CNTN1: variants seen among roughly 807,000 people sequenced by gnomAD.
The protein encoded by CNTN1 is contactin-1.
CNTN1 carries 38 observed loss-of-function variants against 126.4 expected under a neutral mutation model. The ratio of observed to expected loss-of-function variants is 0.30; its 90% CI spans 0.23 to 0.39. CNTN1 has a LOEUF of 0.39. CNTN1 is among the 10% of genes least tolerant of loss of function. The pLI, the probability that CNTN1 is intolerant of heterozygous loss-of-function variation, is 1.00. For synonymous variants in CNTN1, 413 were observed against 422.6 expected, an observed-to-expected ratio of 0.98 and a Z score of 0.28; for missense variants, 1,009 against 1,248.4, an observed-to-expected ratio of 0.81 and a Z score of 2.89.
intron 1 of CNTN1, among the ~76,000 whole-genome samples, chr12:40,885,030 A>T (rs1229901191): frequency 1.3e-5 from 2 of 151,598 alleles, no homozygotes; most frequent in Non-Finnish European, 3.0e-5. Context: ...ATGCTTATTG[A>T]TTTTTTTCTA....
intron 15 of CNTN1, among the ~76,000 whole-genome samples, chr12:40,973,367 A>G (rs1947579791): frequency 6.6e-6 from 1 of 152,138 alleles, no homozygotes; most frequent in Non-Finnish European, 1.5e-5. Flanking sequence ...ATAAATAATG[A>G]GACTTTGACA....
intron 1 of CNTN1, among the ~76,000 whole-genome samples, chr12:40,847,102 G>C (rs879172804): frequency 6.6e-6 from 1 of 152,012 alleles, no homozygotes; most frequent in Non-Finnish European, 1.5e-5. Flanking sequence ...TCCTGACTTC[G>C]TGATCCACCC....
At chr12:40,909,628 A>G (rs1458371309) in intron 2 of CNTN1, among the ~76,000 whole-genome samples, 1 of 151,794 alleles carries the variant, frequency 6.6e-6, no homozygotes, top group Admixed American at 6.6e-5. Context: ...AAAACTCAGA[A>G]AAGATCATTT....
chr12:40,992,624 A>AT (rs1948120697), intron 16 of CNTN1, among the ~76,000 whole-genome samples: 1 of 152,136 alleles, frequency 6.6e-6, no homozygotes, highest in Non-Finnish European at 1.5e-5. Context: ...ACTTGTCCAA[A>AT]TGATTTGAGT....
chr12:40,809,922 A>G (rs554088769), intron 1 of CNTN1, among the ~76,000 whole-genome samples: 1 of 152,286 alleles, frequency 6.6e-6, no homozygotes, highest in East Asian at 1.9e-4. Flanking sequence ...TGTTTTTAAT[A>G]AAAATCAGGT....
chr12:41,063,287 G>C (rs1949978187), intron 23 of CNTN1, among the ~76,000 whole-genome samples: 1 of 152,212 alleles, frequency 6.6e-6, no homozygotes, highest in African/African-American at 2.4e-5. Context: ...GCAAATTAGA[G>C]AGGTTTTAAA....
At chr12:41,047,801 C>T (rs280375) in intron 23 of CNTN1, among the ~76,000 whole-genome samples, 1 of 151,912 alleles carries the variant, frequency 6.6e-6, no homozygotes, top group Non-Finnish European at 1.5e-5. Flanking sequence ...TATTGATGTT[C>T]TTCCCACGGT....
chr12:40,830,921 T>TTACATA (rs1169387576), intron 1 of CNTN1, among the ~76,000 whole-genome samples: 1 of 57,328 alleles, frequency 1.7e-5, no homozygotes, highest in African/African-American at 5.5e-5. Context: ...TAAGTGGTAG[T>TTACATA]TACATATACA....
chr12:40,881,482 T>C (rs1943868264), intron 1 of CNTN1, among the ~76,000 whole-genome samples: 1 of 151,846 alleles, frequency 6.6e-6, no homozygotes, highest in Non-Finnish European at 1.5e-5. Flanking sequence ...CTTTTGCAAG[T>C]TACAGCACTC....
chr12:40,906,202 T>G (rs1485923687), intron 1 of CNTN1, among the ~76,000 whole-genome samples: 1 of 151,792 alleles, frequency 6.6e-6, no homozygotes, highest in Non-Finnish European at 1.5e-5. Context: ...ACCCAGGAGG[T>G]GGAGCTTGCA....
chr12:41,024,850 G>C (rs757201648), intron 20 of CNTN1, among the ~76,000 whole-genome samples: 8 of 152,070 alleles, frequency 5.3e-5, no homozygotes, highest in Non-Finnish European at 1.0e-4. Context: ...TATTTTGAAA[G>C]TAAGTCTGCT....
intron 23 of CNTN1, among the ~76,000 whole-genome samples, chr12:41,035,060 G>T (rs1401429001): frequency 6.6e-6 from 1 of 152,088 alleles, no homozygotes; most frequent in Non-Finnish European, 1.5e-5. Context: ...ATGTCAGGCC[G>T]TGAACAGCAC....
At chr12:40,732,627 A>C (rs1484733089) in intron 1 of CNTN1, among the ~76,000 whole-genome samples, 1 of 152,056 alleles carries the variant, frequency 6.6e-6, no homozygotes, top group African/African-American at 2.4e-5. Flanking sequence ...ATGCAAAAGA[A>C]CATTGAAATC....
At chr12:40,959,549 G>A (rs1042464392) in intron 15 of CNTN1, among the ~76,000 whole-genome samples, 2 of 152,042 alleles carry the variant, frequency 1.3e-5, no homozygotes, top group Admixed American at 1.3e-4. Flanking sequence ...AGTGTGTTGT[G>A]TATAGTGCTG....
chr12:40,949,120 G>C (rs1391825169), intron 14 of CNTN1, among the ~76,000 whole-genome samples: 2 of 151,536 alleles, frequency 1.3e-5, no homozygotes, highest in African/African-American at 4.9e-5. Flanking sequence ...ACTAGATCAT[G>C]CTGTGATCTT....
At chr12:40,989,388 G>C (rs1719536110) in intron 16 of CNTN1, among the ~76,000 whole-genome samples, 1 of 152,114 alleles carries the variant, frequency 6.6e-6, no homozygotes, top group African/African-American at 2.4e-5. Context: ...AGATAAATGA[G>C]AATCAACTCA....
intron 1 of CNTN1, among the ~76,000 whole-genome samples, chr12:40,866,353 T>C (rs1943298994): frequency 6.6e-6 from 1 of 152,134 alleles, no homozygotes; most frequent in Non-Finnish European, 1.5e-5. Context: ...AAATGTTCAG[T>C]AGAAGTGGTG....
chr12:40,854,185 A>C (rs555945288), intron 1 of CNTN1, among the ~76,000 whole-genome samples: 70 of 152,060 alleles, frequency 4.6e-4, no homozygotes, highest in South Asian at 2.3e-3. Context: ...AGTGGTAAAT[A>C]CACATATTAA....
intron 1 of CNTN1, among the ~76,000 whole-genome samples, chr12:40,773,916 C>T (rs1284547054): frequency 1.3e-5 from 2 of 151,230 alleles, no homozygotes; most frequent in Admixed American, 1.3e-4. Flanking sequence ...ATGATCTCGT[C>T]AAATGCAATT....
Sources: gnomAD v4.1 joint callset for allele counts (sites outside exome capture counted in the v4.1 genomes callset) on GRCh38, gnomAD v4.1.1 for gene constraint, MANE v1.5 for transcripts, NCBI Gene and HGNC (gene_info 2026-07-23, HGNC 2026-07-21) for gene names.